ARHGEF4: variants seen among roughly 807,000 people sequenced by gnomAD.
ARHGEF4 encodes Rho guanine nucleotide exchange factor 4.
A neutral mutation model predicts 162.0 loss-of-function variants in ARHGEF4; 119 were observed. That is an observed-to-expected ratio of 0.73 (90% confidence interval 0.63 to 0.86). The LOEUF (loss-of-function observed/expected upper bound fraction) is 0.86, where lower values mean the gene tolerates loss of function less well. Ranked by LOEUF, ARHGEF4 falls within the 40% of genes least tolerant of loss-of-function variation. The pLI is 0.00. For missense variants in ARHGEF4, 2,488 were observed against 2,456.0 expected (o/e 1.01, Z -0.28); for synonymous variants, 1,014 against 979.9 (o/e 1.03, Z -0.65).
At chr2:130,974,142 C>T (rs1685539828) in intron 4 of ARHGEF4, among the ~76,000 whole-genome samples, 1 of 151,438 alleles carries the variant, frequency 6.6e-6, no homozygotes, top group Non-Finnish European at 1.5e-5. Flanking sequence ...CATGATGGCA[C>T]ACACCTGTCG....
At chr2:130,927,574 T>G (rs1682370423) in intron 2 of ARHGEF4, among the ~76,000 whole-genome samples, 1 of 152,228 alleles carries the variant, frequency 6.6e-6, no homozygotes, top group Non-Finnish European at 1.5e-5. Flanking sequence ...AAAAGTTTTC[T>G]GTCTTGCTAG....
Position 131,040,432 on chromosome 2 carries a change from C to T in ARHGEF4, c.4654C>T (p.Leu1552=), listed in dbSNP as rs1209320392. The T allele has an allele frequency of 2.5e-6, 4 of 1,589,026 alleles. 1 individual carries two copies. The highest frequency in any genetic ancestry group is 2.3e-5 in the South Asian group (2 of 88,048). Residue 1552 remains leucine, a synonymous_variant, in exon 8 of 14, where the codon CTG becomes TTG. Coordinates refer to ENST00000409359, the MANE Select transcript of ARHGEF4 (RefSeq NM_001367493.1). ...PHLSELGACF[L]EHQADFQIYS... ...CCTGAGCGAGCTGGGTGCCTGCTTC[C>T]TGGAGCATGTGAGCGCGCGGCCCCC...
intron 10 of ARHGEF4, among the ~76,000 whole-genome samples, 185 bp from the exon 11 acceptor site, chr2:131,043,267 T>C (rs1301276028): frequency 2.0e-5 from 3 of 152,120 alleles, no homozygotes; most frequent in African/African-American, 7.2e-5. Context: ...GGCTCCTATT[T>C]TGCAAGGACA....
At chr2:130,920,256 G>A (rs2105069707) in intron 2 of ARHGEF4, among the ~76,000 whole-genome samples, 1 of 152,326 alleles carries the variant, frequency 6.6e-6, no homozygotes, top group Non-Finnish European at 1.5e-5. Context: ...CCCCAGGCAT[G>A]CGCCACCACA....
intron 4 of ARHGEF4, among the ~76,000 whole-genome samples, chr2:130,981,657 CAA>C (rs1293791852): frequency 2.0e-4 from 15 of 74,576 alleles, no homozygotes; most frequent in Admixed American, 3.2e-4. Flanking sequence ...GACTCCATCT[CAA>C]AAAAAAAAAA....
At chr2:130,848,178 C>T (rs974215805) in intron 1 of ARHGEF4, among the ~76,000 whole-genome samples, 3 of 152,142 alleles carry the variant, frequency 2.0e-5, no homozygotes, top group African/African-American at 4.8e-5. Flanking sequence ...TGAGGCTTCC[C>T]GACCTCAGAG....
At chr2:130,889,328 A>G (rs1679716787) in intron 1 of ARHGEF4, among the ~76,000 whole-genome samples, 1 of 151,898 alleles carries the variant, frequency 6.6e-6, no homozygotes, top group Non-Finnish European at 1.5e-5. Context: ...TCTTTTTTAA[A>G]TGGTCCTAGA....
Position 131,012,860 on chromosome 2 carries a change from C to T in ARHGEF4, c.3986-15085C>T, listed in dbSNP as rs138658460. 6.4e-4 allele frequency among the ~76,000 whole-genome samples: 97 copies of T among 152,278 alleles called. 1 individual carries two copies. The highest frequency in any genetic ancestry group is 2.2e-3 in the African/African-American group (93 of 41,548). ...CCTCCCAAAATGCTGGGATTAGAGG[C>T]GTGAGCCACCGCGCCTGGCTATGTG... On this transcript the variant is annotated intron_variant, in intron 4 of 13. Coordinates refer to ENST00000409359, the MANE Select transcript of ARHGEF4 (RefSeq NM_001367493.1).
intron 8 of ARHGEF4, among the ~76,000 whole-genome samples, chr2:131,040,862 T>C (rs774970692): frequency 2.0e-5 from 3 of 152,314 alleles, no homozygotes; most frequent in South Asian, 2.1e-4. Context: ...TAGCCTCACC[T>C]GGTAGAGAAG....
In ARHGEF4 at chr2:130,915,774, G is replaced by T; in HGVS notation, c.1828G>T (p.Gly610Cys). 1 of 1,529,278 alleles carries T rather than the reference G, an allele frequency of 6.5e-7. No homozygotes were observed. Among genetic ancestry groups the T allele is most frequent in the Non-Finnish European group, 8.8e-7 (1 of 1,136,726 alleles). 94.7% of individuals were successfully genotyped at this position (1,529,278 alleles called of 1,614,324 possible). A position where few individuals can be genotyped will look rare whatever the true frequency, so the allele number is the denominator to read the frequency against. The change falls in exon 2 of 14, where the codon GGT (glycine) becomes TGT (cysteine). Residue 610 changes from glycine (G) to cysteine (C), a missense_variant. Coordinates refer to ENST00000409359, the MANE Select transcript of ARHGEF4 (RefSeq NM_001367493.1). ...GAEEGEQGPGGAGGRQLEPKA... is the reference protein window; with the variant it reads ...GAEEGEQGPGCAGGRQLEPKA... ...TGAGGAGGGTGAACAGGGGCCTGGG[G>T]GTGCCGGGGGCCGGCAGCTGGAGCC...
chr2:130,931,381 C>T, intron 3 of ARHGEF4, 124 bp downstream of exon 3: 2 of 1,091,708 alleles, frequency 1.8e-6, no homozygotes, highest in Non-Finnish European at 1.3e-6. Flanking sequence ...CCTGGGCCCC[C>T]TTGGATTACA....
At chr2:130,937,423 C>T (rs973734355) in intron 3 of ARHGEF4, among the ~76,000 whole-genome samples, 2 of 152,042 alleles carry the variant, frequency 1.3e-5, no homozygotes, top group Non-Finnish European at 2.9e-5. Flanking sequence ...AATTATTGTA[C>T]TTTTCAACTC....
chr2:130,852,677 G>A (rs952404467), intron 1 of ARHGEF4, among the ~76,000 whole-genome samples: 1 of 152,190 alleles, frequency 6.6e-6, no homozygotes, highest in Non-Finnish European at 1.5e-5. Flanking sequence ...GGAGGAGACC[G>A]CAGGATGGGA....
chr2:130,951,053 C>T (rs1007407262), intron 4 of ARHGEF4, among the ~76,000 whole-genome samples: 1 of 152,238 alleles, frequency 6.6e-6, no homozygotes, highest in African/African-American at 2.4e-5. Flanking sequence ...CCTCACTTCT[C>T]TCAGCCTTCA....
chr2:130,958,737 TTACTC>T lies in ARHGEF4; in HGVS notation c.3985+12104_3985+12108del, dbSNP rs139372918. ...GAATAGATGTTTCTTTATTTGCTGTTTACTCTTCAGGACCATTCCAGAGGTTTTAA... is the reference window on the plus strand; with the variant it reads ...GAATAGATGTTTCTTTATTTGCTGTTTTCAGGACCATTCCAGAGGTTTTAA... On this transcript the variant is annotated intron_variant, in intron 4 of 13. Transcript: ENST00000409359. 3.0e-3 allele frequency among the ~76,000 whole-genome samples: 457 copies of T among 152,102 alleles called. 2 individuals carry two copies. The highest frequency in any genetic ancestry group is 0.011 in the African/African-American group (441 of 41,488).
rs191904351 is a variant in ARHGEF4, at chr2:130,848,216, C to G, written c.39+11224C>G. On this transcript the variant is annotated intron_variant, in intron 1 of 13. Transcript: ENST00000409359. ...GCTGCAGCAGGCCTGTGGGGAGAGG[C>G]GGTCTGGGCTGCTCCCGCCCACCCT... Among the ~76,000 whole-genome samples the G allele has an allele frequency of 5.9e-5, 9 of 152,284 alleles. No homozygotes were observed. The East Asian group carries it at 1.7e-3, about 29-fold the overall frequency.
chr2:130,916,491 C>G lies in ARHGEF4; in HGVS notation c.2545C>G (p.His849Asp). The part of the protein sequence containing the change: ...AAAGRDAPPL[H>D]HGDASAWPEF... ...GGCCGGTCGGGACGCACCGCCTCTG[C>G]ACCACGGGGACGCCAGCGCCTGGCC... The change falls in exon 2 of 14, where the codon CAC becomes GAC. Residue 849 changes from histidine (H) to aspartate (D), a missense_variant. Transcript: ENST00000409359. 1 of 1,547,418 alleles carries G rather than the reference C, an allele frequency of 6.5e-7. No homozygotes were observed. Among genetic ancestry groups the G allele is most frequent in the Non-Finnish European group, 8.7e-7 (1 of 1,146,650 alleles).
At chr2:130,917,634 G>GC (rs891066656) in intron 2 of ARHGEF4, 136 bp downstream of exon 2, 49 of 1,141,480 alleles carry the variant, frequency 4.3e-5, no homozygotes, top group South Asian at 6.8e-5. Context: ...ACTCCCAGCC[G>GC]CCCCCCCTCC....
At chr2:130,930,522 C>T (rs183825955) in intron 2 of ARHGEF4, among the ~76,000 whole-genome samples, 186 of 152,216 alleles carry the variant, frequency 1.2e-3, no homozygotes, top group Middle Eastern at 3.4e-3. Flanking sequence ...TTTCAGTGAG[C>T]ATCAGAGTCA....
Sources: allele counts gnomAD v4.1 joint callset (sites outside exome capture counted in the v4.1 genomes callset), GRCh38; gene constraint gnomAD v4.1.1; transcripts MANE v1.5; gene names NCBI Gene and HGNC (gene_info 2026-07-23, HGNC 2026-07-21).